Variants in EFHC2 observed in about 807,000 individuals in gnomAD.
EFHC2 encodes the protein EF-hand domain-containing family member C2.
A neutral mutation model predicts 52.7 loss-of-function variants in EFHC2; 18 were observed. The observed-to-expected ratio is 0.34, with a 90% CI of 0.24 to 0.51. The LOEUF (loss-of-function observed/expected upper bound fraction) is 0.51. EFHC2 is among the 20% of genes least tolerant of loss of function. The pLI, the probability that EFHC2 is intolerant of heterozygous loss-of-function variation, is 0.97. For missense variants in EFHC2, 513 were observed against 562.5 expected (o/e 0.91, Z 0.89); for synonymous variants, 203 against 204.1 (o/e 0.99, Z 0.04).
chrX:44,333,692 C>T (rs1216862598), intron 1 of EFHC2, among the ~76,000 whole-genome samples: 5 of 110,096 alleles, frequency 4.5e-5, no homozygotes, highest in African/African-American at 1.7e-4. Flanking sequence ...TTTCCCTTTC[C>T]CACCTCCAAA....
At chrX:44,244,743 T>A (rs2147331789) in intron 7 of EFHC2, among the ~76,000 whole-genome samples, 1 of 112,184 alleles carries the variant, frequency 8.9e-6, no homozygotes, top group South Asian at 3.7e-4. Flanking sequence ...TCACTGCTTA[T>A]GTTCTAGTAG....
At chrX:44,330,085 CAAAAAA>C (rs34888507) in intron 1 of EFHC2, among the ~76,000 whole-genome samples, 8 of 46,386 alleles carry the variant, frequency 1.7e-4, no homozygotes, top group Admixed American at 6.7e-4. Context: ...CCTGTCTCTA[CAAAAAA>C]AAAAAAAAAA....
At chrX:44,215,711 T>C (rs1361215054) in intron 11 of EFHC2, among the ~76,000 whole-genome samples, 2 of 111,500 alleles carry the variant, frequency 1.8e-5, no homozygotes, top group East Asian at 5.6e-4. Flanking sequence ...AAATGTGGTC[T>C]TAGAAAAGGA....
chrX:44,254,113 A>G (rs2037474338), intron 4 of EFHC2, among the ~76,000 whole-genome samples: 1 of 112,520 alleles, frequency 8.9e-6, no homozygotes, highest in African/African-American at 3.2e-5. Flanking sequence ...CTCCATCCGA[A>G]GGTCAACAAC....
intron 11 of EFHC2, among the ~76,000 whole-genome samples, chrX:44,185,588 G>A (rs1487161246): frequency 9.1e-6 from 1 of 110,182 alleles, no homozygotes. Context: ...CCAGGCTGGA[G>A]TGCAGTGGTG....
chrX:44,242,088 A>G, intron 8 of EFHC2, 33 bp downstream of exon 8: 1 of 1,152,715 alleles, frequency 8.7e-7, no homozygotes, highest in African/African-American at 1.8e-5. Flanking sequence ...CATTTGGGAA[A>G]GATCAGACTA....
At position 44,248,801 on chromosome X, in the gene EFHC2, C is replaced by T. The variant is rs368759611; in HGVS notation, c.972+2G>A. The T allele has an allele frequency of 3.3e-6, 4 of 1,194,149 alleles. No individual in the cohort carries two copies. Among genetic ancestry groups the T allele is most frequent in the Non-Finnish European group, 4.5e-6 (4 of 881,980 alleles). ...CAGGTAATAAAATATGAGGTTCCTTCCCTTATATCTATCGAACAGGTAGCC... is the reference window on the plus strand; with the variant it reads ...CAGGTAATAAAATATGAGGTTCCTTTCCTTATATCTATCGAACAGGTAGCC... On this transcript the variant is annotated splice_donor_variant, in intron 6 of 14. Coordinates refer to ENST00000420999, the MANE Select transcript of EFHC2 (RefSeq NM_025184.4). LOFTEE classifies it high-confidence loss of function.
chrX:44,216,728 T>C (rs2037153644), intron 11 of EFHC2, among the ~76,000 whole-genome samples: 1 of 111,555 alleles, frequency 9.0e-6, no homozygotes, highest in Admixed American at 9.5e-5. Flanking sequence ...TCAAAATGTA[T>C]TAAAGACTTA....
chrX:44,314,857 C>T (rs141683440), intron 1 of EFHC2, among the ~76,000 whole-genome samples: 16 of 111,358 alleles, frequency 1.4e-4, no homozygotes, highest in African/African-American at 3.9e-4. Flanking sequence ...GCCAAATATA[C>T]GAGTTAAAAT....
At chrX:44,307,420 T>C (rs754329539) in intron 2 of EFHC2, among the ~76,000 whole-genome samples, 16 of 111,741 alleles carry the variant, frequency 1.4e-4, no homozygotes, top group African/African-American at 5.2e-4. Context: ...GGATTAACTT[T>C]AGGTAACAAT....
At chrX:44,203,593 A>C (rs1748328885) in intron 11 of EFHC2, among the ~76,000 whole-genome samples, 1 of 110,425 alleles carries the variant, frequency 9.1e-6, no homozygotes, top group African/African-American at 3.3e-5. Context: ...CTGAGACTTC[A>C]TTTTTTTATT....
chrX:44,208,380 T>A (rs2037065230), intron 11 of EFHC2, among the ~76,000 whole-genome samples: 1 of 111,989 alleles, frequency 8.9e-6, no homozygotes, highest in South Asian at 3.7e-4. Flanking sequence ...AGTGAATTGA[T>A]GCAGAAACAG....
At chrX:44,223,211 C>T (rs73628324) in intron 11 of EFHC2, among the ~76,000 whole-genome samples, 3,816 of 112,369 alleles carry the variant, frequency 0.034, 181 homozygotes, top group African/African-American at 0.12. Context: ...AAGGGATTAA[C>T]AGAAGAAAAG....
intron 2 of EFHC2, chrX:44,284,725 C>T (rs1289840116): frequency 8.9e-6 from 1 of 111,898 alleles, no homozygotes; most frequent in Admixed American, 9.5e-5. Context: ...GTGAAAAATG[C>T]TCTCAGCCTT....
intron 11 of EFHC2, among the ~76,000 whole-genome samples, chrX:44,225,104 C>T (rs1313795814): frequency 1.8e-5 from 2 of 111,222 alleles, no homozygotes; most frequent in African/African-American, 6.6e-5. Flanking sequence ...GTTATCTGCA[C>T]TCTCTTGGAT....
intron 11 of EFHC2, among the ~76,000 whole-genome samples, chrX:44,215,502 T>C (rs2037137713): frequency 9.8e-6 from 1 of 101,892 alleles, no homozygotes; most frequent in African/African-American, 3.7e-5. Flanking sequence ...CTCCTATGTG[T>C]TTACTCAAGA....
At chrX:44,307,354 A>T (rs1602209308) in intron 2 of EFHC2, among the ~76,000 whole-genome samples, 1 of 111,589 alleles carries the variant, frequency 9.0e-6, no homozygotes, top group South Asian at 3.7e-4. Flanking sequence ...AACGTCTTTT[A>T]TTTTTTTTGG....
At chrX:44,303,733 A>G (rs2037884735) in intron 2 of EFHC2, among the ~76,000 whole-genome samples, 1 of 111,763 alleles carries the variant, frequency 8.9e-6, no homozygotes, top group Non-Finnish European at 1.9e-5. Context: ...AGCTACATAA[A>G]TAATCAGCTA....
chrX:44,214,195 C>T (rs922052124), intron 11 of EFHC2, among the ~76,000 whole-genome samples: 2 of 111,662 alleles, frequency 1.8e-5, no homozygotes, highest in Non-Finnish European at 3.8e-5. Context: ...GAGAAATTCC[C>T]TAAATTAATG....
Sources: gnomAD v4.1 joint callset for allele counts (sites outside exome capture counted in the v4.1 genomes callset) on GRCh38, gnomAD v4.1.1 for gene constraint, MANE v1.5 for transcripts, NCBI Gene and HGNC (gene_info 2026-07-23, HGNC 2026-07-21) for gene names.